RYR2: variants seen among roughly 807,000 people sequenced by gnomAD.
RYR2 encodes the protein ryanodine receptor 2.
A neutral mutation model predicts 601.1 loss-of-function variants in RYR2; 227 were observed. That is an observed-to-expected ratio of 0.38 (90% CI 0.34 to 0.42). RYR2 has a LOEUF of 0.42. RYR2 is among the 10% of genes least tolerant of loss of function. RYR2 has a pLI of 1.00. For missense variants in RYR2, 4,646 were observed against 6,156.5 expected (o/e 0.75, Z 8.21); for synonymous variants, 2,223 against 2,175.1 (o/e 1.02, Z -0.61).
intron 80 of RYR2, among the ~76,000 whole-genome samples, chr1:237,746,298 A>G (rs1349273169): frequency 2.0e-5 from 3 of 152,130 alleles, no homozygotes; most frequent in African/African-American, 7.2e-5. Flanking sequence ...AAATAACATA[A>G]AGTGTGTGGT....
chr1:237,593,419 C>T lies in RYR2; in HGVS notation c.4276-57C>T, dbSNP rs374181182. 2.2e-5 allele frequency: 34 copies of T among 1,517,286 alleles called. No individual in the cohort carries two copies. In the East Asian group the frequency reaches 2.5e-4, roughly 11 times the overall value. The allele number at this position is 1,517,286 out of a possible 1,614,324, so 94.0% of individuals were successfully genotyped here. The stretch of plus-strand genomic sequence containing the variant: ...TTAGACACAGTTAGGATTGCAAATC[C>T]AAGTTTTGTTTTGTTTAGTTTTACT... On this transcript the variant is annotated intron_variant, in intron 32 of 104. Coordinates refer to ENST00000366574, the MANE Select transcript of RYR2 (RefSeq NM_001035.3).
intron 72 of RYR2, 137 bp downstream of exon 72, chr1:237,717,505 C>T: frequency 1.5e-6 from 1 of 684,438 alleles, no homozygotes; most frequent in Non-Finnish European, 2.2e-6. Flanking sequence ...CTAGACAGGC[C>T]CAAGACTCAA....
intron 1 of RYR2, among the ~76,000 whole-genome samples, chr1:237,204,696 T>C (rs963673882): frequency 6.6e-6 from 1 of 151,826 alleles, no homozygotes; most frequent in African/African-American, 2.4e-5. Flanking sequence ...GCTAGAGGAG[T>C]CTTTACCTAC....
At chr1:237,804,488 T>C (rs1660385326) in intron 98 of RYR2, among the ~76,000 whole-genome samples, 1 of 152,046 alleles carries the variant, frequency 6.6e-6, no homozygotes, top group African/African-American at 2.4e-5. Context: ...AAATGGGTGG[T>C]TTCTGACTCC....
chr1:237,108,645 G>A (rs75644145), intron 1 of RYR2, among the ~76,000 whole-genome samples: 573 of 152,324 alleles, frequency 3.8e-3, no homozygotes, highest in Non-Finnish European at 5.5e-3. Context: ...GAGAGAGGCC[G>A]GGAGTGTGTA....
In RYR2 at chr1:237,042,415, C is replaced by A; in HGVS notation, c.-107C>A. 9.1e-7 allele frequency: 1 copy of A among 1,102,862 alleles called. No homozygotes were observed. The highest frequency in any genetic ancestry group is 1.1e-6 in the Non-Finnish European group (1 of 875,372). 68.3% of individuals were successfully genotyped at this position (1,102,862 alleles called of 1,614,324 possible). The stretch of plus-strand genomic sequence containing the variant: ...CGGCACCCGGCAGCGCGGCCCCCTC[C>A]AGCCCCCGGCTCCCGGCAGCAGAAG... On this transcript the variant is annotated 5_prime_UTR_variant, in exon 1 of 105. Transcript: ENST00000366574.
At chr1:237,790,101 T>C (rs1230896897) in intron 92 of RYR2, among the ~76,000 whole-genome samples, 3 of 152,336 alleles carry the variant, frequency 2.0e-5, no homozygotes, top group African/African-American at 7.2e-5. Flanking sequence ...ACTTAAATTA[T>C]ATTGACATCT....
intron 99 of RYR2, 43 bp from the exon 100 acceptor site, chr1:237,808,858 T>A: frequency 6.2e-7 from 1 of 1,606,190 alleles, no homozygotes; most frequent in Non-Finnish European, 8.5e-7. Flanking sequence ...CAATTGTATG[T>A]CCTACATTTC....
intron 23 of RYR2, among the ~76,000 whole-genome samples, chr1:237,508,512 A>C (rs1376578093): frequency 3.3e-5 from 5 of 151,624 alleles, no homozygotes; most frequent in Non-Finnish European, 7.4e-5. Flanking sequence ...CCCATATTAT[A>C]ATAGCAAATA....
At chr1:237,659,937 T>C (rs1349855417) in intron 54 of RYR2, 48 bp from the exon 55 acceptor site, 31 of 1,300,418 alleles carry the variant, frequency 2.4e-5, no homozygotes, top group Non-Finnish European at 3.3e-5. Flanking sequence ...CTACAATCTC[T>C]AAAATTAACA....
Position 237,308,120 on chromosome 1 carries a change from TTAA to T in RYR2, c.169-22753_169-22751del, listed in dbSNP as rs1216758622. On this transcript the variant is annotated intron_variant, in intron 2 of 104. Coordinates refer to ENST00000366574, the MANE Select transcript of RYR2 (RefSeq NM_001035.3). ...TGTTTATTATGGTTAAGGGAAAAAA[TTAA>T]TAATGTTTAAACAGACCCAGACTTA... Among the ~76,000 whole-genome samples the T allele has an allele frequency of 3.3e-5, 5 of 152,142 alleles. 1 individual carries two copies. Among genetic ancestry groups the T allele is most frequent in the Non-Finnish European group, 7.4e-5 (5 of 68,016 alleles).
At position 237,361,377 on chromosome 1, in the gene RYR2, C is replaced by T. The variant is rs139344984; in HGVS notation, c.295-2981C>T. 3.1e-3 allele frequency among the ~76,000 whole-genome samples: 478 copies of T among 152,018 alleles called. 4 individuals carry two copies. The highest frequency in any genetic ancestry group is 0.01 in the African/African-American group (423 of 41,474). ...TATTTCCTCACAAAGGAGAGGTTAC[C>T]GGTTGGAGACTTATGGAGAATCCTA... On this transcript the variant is annotated intron_variant, in intron 4 of 104. Transcript: ENST00000366574.
chr1:237,200,545 G>A (rs368398983), intron 1 of RYR2, among the ~76,000 whole-genome samples: 26 of 152,292 alleles, frequency 1.7e-4, no homozygotes, highest in African/African-American at 4.6e-4. Flanking sequence ...GATTATAGGC[G>A]TGAGCCACTG....
chr1:237,231,952 C>T (rs1461354625), intron 1 of RYR2, among the ~76,000 whole-genome samples: 1 of 152,128 alleles, frequency 6.6e-6, no homozygotes. Context: ...GTGTAGGTGG[C>T]AAATAAGATG....
At chr1:237,192,584 G>T (rs12084830) in intron 1 of RYR2, among the ~76,000 whole-genome samples, 1 of 152,196 alleles carries the variant, frequency 6.6e-6, no homozygotes, top group Admixed American at 6.5e-5. Context: ...TCACTTAATA[G>T]AAACCACACA....
chr1:237,783,994 C>T lies in RYR2; in HGVS notation c.12282C>T (p.Ile4094=), dbSNP rs764339831. The part of the protein sequence containing the change: ...VKRFHEPAKD[I]GFNVAVLLTN... ...GCTTCCACGAACCTGCGAAGGACAT[C>T]GGCTTCAACGTCGCCGTCCTTCTGA... Residue 4094 remains isoleucine (I), a synonymous_variant, in exon 90 of 105, where the codon ATC becomes ATT. Transcript: ENST00000366574. 18 of 1,613,698 alleles carry T rather than the reference C, an allele frequency of 1.1e-5. No individual in the cohort carries two copies. The highest frequency in any genetic ancestry group is 4.0e-5 in the African/African-American group (3 of 74,920).
chr1:237,537,681 CTAGA>C (rs1668796293), intron 25 of RYR2, among the ~76,000 whole-genome samples: 1 of 151,958 alleles, frequency 6.6e-6, no homozygotes, highest in African/African-American at 2.4e-5. Context: ...TTAACTATAG[CTAGA>C]TAGATTCAAA....
At chr1:237,155,239 G>A (rs183914482) in intron 1 of RYR2, among the ~76,000 whole-genome samples, 4 of 146,474 alleles carry the variant, frequency 2.7e-5, no homozygotes, top group African/African-American at 5.1e-5. Context: ...GCAGTGGTGC[G>A]GTCTCAGCGC....
chr1:237,384,288 G>A lies in RYR2; in HGVS notation c.577-2993G>A, dbSNP rs551363570. 3.2e-4 allele frequency among the ~76,000 whole-genome samples: 48 copies of A among 152,142 alleles called. No homozygotes were observed. The South Asian group carries it at 8.5e-3, about 27-fold the overall frequency. ...ATTTGGAAATTGCCTTTTTAACTCCGTCACCTATTTTATTACTGCTGTAAA... is the reference window on the plus strand; with the variant it reads ...ATTTGGAAATTGCCTTTTTAACTCCATCACCTATTTTATTACTGCTGTAAA... On this transcript the variant is annotated intron_variant, in intron 8 of 104. Transcript: ENST00000366574.
Sources: gnomAD v4.1 joint callset for allele counts (sites outside exome capture counted in the v4.1 genomes callset) on GRCh38, gnomAD v4.1.1 for gene constraint, MANE v1.5 for transcripts, NCBI Gene and HGNC (gene_info 2026-07-23, HGNC 2026-07-21) for gene names.